The following FAT1 variants were observed in gnomAD, a reference collection of about 807,000 sequenced individuals.
The protein encoded by FAT1 is FAT atypical cadherin 1.
A neutral mutation model predicts 329.8 loss-of-function variants in FAT1; 171 were observed. The observed-to-expected ratio is 0.52, with a 90% CI of 0.46 to 0.59. FAT1 has a LOEUF of 0.59. Ranked by LOEUF, FAT1 falls within the 20% of genes least tolerant of loss-of-function variation. The pLI, the probability that FAT1 is intolerant of heterozygous loss-of-function variation, is 0.00. For missense variants in FAT1, 5,672 were observed against 5,774.4 expected (o/e 0.98, Z 0.57); for synonymous variants, 2,233 against 2,228.6 (o/e 1.00, Z -0.06).
chr4:186,605,073 G>A (rs1739038512), intron 17 of FAT1, among the ~76,000 whole-genome samples: 1 of 151,968 alleles, frequency 6.6e-6, no homozygotes, highest in African/African-American at 2.4e-5. Context: ...ACAAAAATTA[G>A]CCGGGCGTGG....
intron 6 of FAT1, among the ~76,000 whole-genome samples, chr4:186,635,242 C>A (rs191295491): frequency 1.3e-5 from 2 of 152,074 alleles, no homozygotes; most frequent in Admixed American, 6.5e-5. Context: ...AAGTCCCCCC[C>A]AGAGAGATGA....
intron 2 of FAT1, among the ~76,000 whole-genome samples, chr4:186,698,334 G>A (rs1432791895): frequency 6.6e-6 from 1 of 152,156 alleles, no homozygotes; most frequent in African/African-American, 2.4e-5. Context: ...GGTTTCCCCG[G>A]AGACCCCACG....
At position 186,707,181 on chromosome 4, in the gene FAT1, G is replaced by C. The variant is rs2126686345; in HGVS notation, c.2647C>G (p.Leu883Val). 6.2e-7 allele frequency: 1 copy of C among 1,613,984 alleles called. No individual in the cohort carries two copies. Among genetic ancestry groups the C allele is most frequent in the Middle Eastern group, 1.6e-4 (1 of 6,062 alleles). Reference sequence around the variant, plus strand: ...TGCTCATGCTGCAGCTCTCGATCCAGAGGGCGTGCGATGTTAACAACACCC... The same window carrying C: ...TGCTCATGCTGCAGCTCTCGATCCACAGGGCGTGCGATGTTAACAACACCC... ...VTGVVNIARP[L>V]DRELQHEHSL... is the part of the protein sequence containing the mutation. Residue 883 changes from leucine (L) to valine (V), a missense_variant, in exon 2 of 27, where the codon CTG becomes GTG. Transcript: ENST00000441802.
chr4:186,620,078 C>T lies in FAT1; in HGVS notation c.6508G>A (p.Val2170Ile), dbSNP rs377169844. The change falls in exon 10 of 27, where the codon GTT (valine) becomes ATT (isoleucine). Residue 2170 changes from valine (V) to isoleucine (I), a missense_variant. Transcript: ENST00000441802. ...GNPAFSAEVIVPITVMNKAMP... is the reference protein window; with the variant it reads ...GNPAFSAEVIIPITVMNKAMP... The stretch of plus-strand genomic sequence containing the variant: ...GCTTTATTCATGACAGTGATCGGAA[C>T]GATAACTTCCGCTGAAAAGGCCGGG... 5 of 1,613,850 alleles carry T rather than the reference C, an allele frequency of 3.1e-6. No individual in the cohort carries two copies. Among genetic ancestry groups the T allele is most frequent in the African/African-American group, 1.3e-5 (1 of 74,910 alleles).
intron 2 of FAT1, among the ~76,000 whole-genome samples, chr4:186,665,330 A>C (rs927447302): frequency 4.6e-5 from 7 of 152,122 alleles, no homozygotes; most frequent in Non-Finnish European, 8.8e-5. Flanking sequence ...AAGTGTTCCT[A>C]TTTCTCCACA....
In FAT1 at chr4:186,707,865, T is replaced by C. The variant is rs2126691946; in HGVS notation, c.1963A>G (p.Thr655Ala). The change falls in exon 2 of 27, where the codon ACA (threonine) becomes GCA (alanine). Residue 655 changes from threonine to alanine, a missense_variant. This residue lies in a region of FAT1 where 3,966 missense variants were observed against 3,915.2 expected (regional missense o/e 1.01). Transcript: ENST00000441802. ...ACTGTTATGTTGATATATAATGGTG[T>C]GGCAAAATTTTCTCCATCTGTAGCT... ...ITATDGENFATPLYINITVAA... is the reference protein window; with the variant it reads ...ITATDGENFAAPLYINITVAA... 11 of 1,613,900 alleles carry C rather than the reference T, an allele frequency of 6.8e-6. No individual in the cohort carries two copies. Among genetic ancestry groups the C allele is most frequent in the Non-Finnish European group, 8.5e-6 (10 of 1,179,894 alleles).
intron 21 of FAT1, 98 bp downstream of exon 21, chr4:186,601,171 C>T (rs1738796999): frequency 2.6e-5 from 29 of 1,117,618 alleles, no homozygotes; most frequent in Non-Finnish European, 3.6e-5. Context: ...AACCATTTCA[C>T]TTACTTTATT....
chr4:186,656,912 TTAAAA>T (rs1741927939), intron 3 of FAT1, among the ~76,000 whole-genome samples: 4 of 152,132 alleles, frequency 2.6e-5, no homozygotes. Context: ...TTTTTCTGAT[TTAAAA>T]GCAATAGCTG....
chr4:186,724,107 A>G (rs1390579208), upstream of FAT1, among the ~76,000 whole-genome samples: 3 of 137,022 alleles, frequency 2.2e-5, no homozygotes, highest in Admixed American at 2.3e-4. The surrounding 1 kb of genome is among the most constrained non-coding windows in gnomAD (Gnocchi z 5.3). Context: ...TGCCGAGGTT[A>G]GTTACGGCCA....
At chr4:186,722,956 T>TG (rs1436218055) in intron 1 of FAT1, among the ~76,000 whole-genome samples, 3 of 152,108 alleles carry the variant, frequency 2.0e-5, no homozygotes, top group Admixed American at 1.3e-4. Context: ...CTCATACAAT[T>TG]GCGTCCTTGT....
intron 2 of FAT1, among the ~76,000 whole-genome samples, chr4:186,677,915 T>C (rs768598744): frequency 3.3e-5 from 5 of 152,128 alleles, no homozygotes; most frequent in Non-Finnish European, 7.4e-5. Context: ...TCTACATTAC[T>C]AAAAATTAAA....
chr4:186,629,609 A>G (rs910738251), intron 7 of FAT1, among the ~76,000 whole-genome samples: 2 of 152,174 alleles, frequency 1.3e-5, no homozygotes, highest in Non-Finnish European at 2.9e-5. Flanking sequence ...GGGCATATGG[A>G]ACAAAGGGAT....
At chr4:186,647,596 C>A (rs973937475) in intron 3 of FAT1, among the ~76,000 whole-genome samples, 1 of 152,164 alleles carries the variant, frequency 6.6e-6, no homozygotes, top group South Asian at 2.1e-4. Context: ...AGGAAGGAGT[C>A]CTCTGGGCTC....
Position 186,603,876 on chromosome 4 carries a change from A to C in FAT1, c.10650T>G (p.Ile3550Met). The change falls in exon 19 of 27, where the codon ATT becomes ATG. Residue 3550 changes from isoleucine (I) to methionine (M), a missense_variant. Coordinates refer to ENST00000441802, the MANE Select transcript of FAT1 (RefSeq NM_005245.4). ...ATTCTTCTCCAGAAGAGGTGATGAAAATCTCCAGGGGCAAAATCGCAGGCG... is the reference window on the plus strand; with the variant it reads ...ATTCTTCTCCAGAAGAGGTGATGAACATCTCCAGGGGCAAAATCGCAGGCG... ...IYPPAILPLE[I>M]FITSSGEEYS... 4.3e-6 allele frequency: 7 copies of C among 1,613,936 alleles called. No homozygotes were observed. The highest frequency in any genetic ancestry group is 5.9e-6 in the Non-Finnish European group (7 of 1,179,860).
chr4:186,676,278 GAA>G lies in FAT1; in HGVS notation c.3266-12667_3266-12666del, dbSNP rs11331148. ...AAAAATAAATGTCAATTCATTTTGT[GAA>G]AAAAAAAAACAAAAAAAAACAGGGA... On this transcript the variant is annotated intron_variant, in intron 2 of 26. Transcript: ENST00000441802. 1.7e-3 allele frequency among the ~76,000 whole-genome samples: 212 copies of G among 125,446 alleles called. 2 individuals carry two copies. Among genetic ancestry groups the G allele is most frequent in the African/African-American group, 5.2e-3 (189 of 36,140 alleles). The allele number at this position is 125,446 out of a possible 152,430, so 82.3% of individuals were successfully genotyped here. A position where few individuals can be genotyped will look rare whatever the true frequency, so the allele number is the denominator to read the frequency against.
chr4:186,643,627 C>T (rs1274316903), intron 3 of FAT1, among the ~76,000 whole-genome samples: 2 of 152,066 alleles, frequency 1.3e-5, no homozygotes, highest in Admixed American at 6.6e-5. Flanking sequence ...GGTGTCTTTT[C>T]GAGGTGCGCT....
At chr4:186,721,216 A>C (rs886591199) in intron 1 of FAT1, among the ~76,000 whole-genome samples, 3 of 152,264 alleles carry the variant, frequency 2.0e-5, no homozygotes, top group African/African-American at 7.2e-5. Flanking sequence ...GAATTCAGGC[A>C]ATGTATTTAA....
intron 21 of FAT1, 62 bp downstream of exon 21, chr4:186,601,207 A>G: frequency 7.1e-7 from 1 of 1,414,840 alleles, no homozygotes; most frequent in Middle Eastern, 1.9e-4. Flanking sequence ...CAATCTGAAT[A>G]TAAAATGAAA....
chr4:186,650,632 A>C (rs1741594528), intron 3 of FAT1, among the ~76,000 whole-genome samples: 1 of 152,218 alleles, frequency 6.6e-6, no homozygotes, highest in African/African-American at 2.4e-5. Flanking sequence ...GTGTTTACCC[A>C]AACTGTCCTT....
Sources: gnomAD v4.1 joint callset for allele counts (sites outside exome capture counted in the v4.1 genomes callset) on GRCh38, gnomAD v4.1.1 for gene constraint, gnomAD v4.1.1 regional missense constraint, Gnocchi (gnomAD v3.1) non-coding constraint, MANE v1.5 for transcripts, NCBI Gene and HGNC (gene_info 2026-07-23, HGNC 2026-07-21) for gene names.